Variants in EPB41 observed in about 807,000 individuals in gnomAD.
EPB41 encodes the protein erythrocyte membrane protein band 4.1, also known as protein 4.1.
In EPB41, 65 loss-of-function variants were observed where a neutral mutation model predicts 108.0. The ratio of observed to expected loss-of-function variants is 0.60; its 90% CI spans 0.49 to 0.74. The LOEUF is 0.74. Among genes scored for constraint, EPB41 ranks in the 30% least tolerant of loss-of-function variants. The pLI, the probability that EPB41 is intolerant of heterozygous loss-of-function variation, is 0.00. For synonymous variants in EPB41, 336 were observed against 358.9 expected, an observed-to-expected ratio of 0.94 and a Z score of 0.72; for missense variants, 875 against 1,037.0, an observed-to-expected ratio of 0.84 and a Z score of 2.15.
intron 1 of EPB41, among the ~76,000 whole-genome samples, chr1:28,964,061 A>G (rs1201126548): frequency 2.0e-5 from 3 of 152,150 alleles, no homozygotes; most frequent in Admixed American, 6.5e-5. Context: ...AGAGCTTCCT[A>G]TTAGTCTATT....
intron 1 of EPB41, chr1:28,982,636 A>G: frequency 2.0e-6 from 2 of 977,628 alleles, no homozygotes; most frequent in Non-Finnish European, 3.3e-6. Flanking sequence ...TCGGGCCTAC[A>G]GCAAAAAGCC....
At chr1:29,057,524 A>G (rs1161712963) in intron 12 of EPB41, among the ~76,000 whole-genome samples, 1 of 152,094 alleles carries the variant, frequency 6.6e-6, no homozygotes, top group Non-Finnish European at 1.5e-5. Context: ...GACTCAGTCT[A>G]GGGAAAATAG....
chr1:28,969,166 C>T (rs1327708381), intron 1 of EPB41, among the ~76,000 whole-genome samples: 1 of 151,368 alleles, frequency 6.6e-6, no homozygotes, highest in African/African-American at 2.4e-5. Context: ...CTCACTGCAA[C>T]CTCCACCTCC....
chr1:28,968,397 A>T (rs2095413592), intron 1 of EPB41, among the ~76,000 whole-genome samples: 1 of 152,114 alleles, frequency 6.6e-6, no homozygotes, highest in South Asian at 2.1e-4. Context: ...GTTTTTGTAC[A>T]TATGTCCTTA....
At chr1:28,907,840 A>C (rs558717064) in intron 1 of EPB41, among the ~76,000 whole-genome samples, 198 of 149,396 alleles carry the variant, frequency 1.3e-3, no homozygotes, top group Non-Finnish European at 2.2e-3. Context: ...AAAAATTTTA[A>C]TTTTTTTTTT....
intron 1 of EPB41, among the ~76,000 whole-genome samples, chr1:28,965,130 T>A (rs2149210574): frequency 6.6e-6 from 1 of 152,316 alleles, no homozygotes; most frequent in South Asian, 2.1e-4. Flanking sequence ...AATTCAGTAA[T>A]TATTTAATTA....
At chr1:29,023,675 A>C (rs1298523190) in intron 7 of EPB41, among the ~76,000 whole-genome samples, 2 of 151,904 alleles carry the variant, frequency 1.3e-5, no homozygotes, top group Non-Finnish European at 2.9e-5. Context: ...CAACAAAAGC[A>C]AAACTCCGTC....
intron 1 of EPB41, among the ~76,000 whole-genome samples, chr1:28,957,087 C>T (rs1010922651): frequency 6.6e-6 from 1 of 152,236 alleles, no homozygotes; most frequent in African/African-American, 2.4e-5. Context: ...TAAGTCAGCC[C>T]TGTTTTGAAG....
intron 1 of EPB41, among the ~76,000 whole-genome samples, chr1:28,901,289 ATC>A (rs970347225): frequency 7.0e-6 from 1 of 143,810 alleles, no homozygotes; most frequent in Non-Finnish European, 1.5e-5. Context: ...CAGTGGCATG[ATC>A]TCGGCTCACT....
At position 29,039,244 on chromosome 1, in the gene EPB41, T is replaced by C. The variant is rs768008894; in HGVS notation, c.1464-10T>C. The C allele has an allele frequency of 7.4e-6, 12 of 1,613,526 alleles. No homozygotes were observed. The highest frequency in any genetic ancestry group is 9.3e-6 in the Non-Finnish European group (11 of 1,179,602). On this transcript the variant is annotated splice_polypyrimidine_tract_variant and intron_variant, in intron 10 of 20. Transcript: ENST00000343067. ...ATATAATAATATGACTATTACGATT[T>C]TCCCCCCAGATTGACATCTACAGAC...
At chr1:28,999,195 T>G (rs1326887472) in intron 4 of EPB41, among the ~76,000 whole-genome samples, 1 of 151,954 alleles carries the variant, frequency 6.6e-6, no homozygotes, top group African/African-American at 2.4e-5. Context: ...ACGGTGAAAC[T>G]CTGTCTCTAC....
intron 16 of EPB41, among the ~76,000 whole-genome samples, chr1:29,079,847 A>C (rs1203418757): frequency 6.6e-6 from 1 of 151,862 alleles, no homozygotes; most frequent in African/African-American, 2.4e-5. Context: ...AATACAAAAA[A>C]TTAGCCAGGC....
chr1:29,097,723 C>T (rs954664526), intron 16 of EPB41, 84 bp from the exon 17 acceptor site: 1 of 1,506,772 alleles, frequency 6.6e-7, no homozygotes, highest in Non-Finnish European at 9.2e-7. Flanking sequence ...TTAAAGCTAA[C>T]ACTTTGATCA....
intron 1 of EPB41, among the ~76,000 whole-genome samples, chr1:28,973,556 C>CT (rs949221327): frequency 1.3e-5 from 2 of 151,846 alleles, no homozygotes; most frequent in Non-Finnish European, 2.9e-5. Context: ...TGCCCGGCTA[C>CT]TTTTTTTATT....
intron 1 of EPB41, among the ~76,000 whole-genome samples, chr1:28,901,144 T>C (rs964612542): frequency 7.9e-5 from 12 of 152,010 alleles, no homozygotes; most frequent in Non-Finnish European, 1.3e-4. Flanking sequence ...TTAGCCAGGA[T>C]AGTCTCGATC....
At chr1:29,027,372 C>T (rs1237137665) in intron 7 of EPB41, among the ~76,000 whole-genome samples, 1 of 149,514 alleles carries the variant, frequency 6.7e-6, no homozygotes, top group Non-Finnish European at 1.5e-5. Flanking sequence ...TCATTCGTTG[C>T]CCAGGCTGGA....
At chr1:29,061,548 C>A (rs951650870) in intron 15 of EPB41, among the ~76,000 whole-genome samples, 1 of 139,314 alleles carries the variant, frequency 7.2e-6, no homozygotes, top group African/African-American at 2.7e-5. Flanking sequence ...GGGTTACAGG[C>A]GTGAGCCACT....
At chr1:28,979,263 C>T (rs2095676657) in intron 1 of EPB41, among the ~76,000 whole-genome samples, 1 of 151,502 alleles carries the variant, frequency 6.6e-6, no homozygotes, top group African/African-American at 2.4e-5. Flanking sequence ...AATGGCCAAG[C>T]AATACCAAAA....
intron 1 of EPB41, among the ~76,000 whole-genome samples, chr1:28,979,856 G>A (rs755378001): frequency 2.9e-4 from 44 of 152,090 alleles, no homozygotes; most frequent in Non-Finnish European, 4.4e-4. Context: ...TGGCAGACTT[G>A]GCAGAAGAAA....
Sources: gnomAD v4.1 joint callset for allele counts (sites outside exome capture counted in the v4.1 genomes callset) on GRCh38, gnomAD v4.1.1 for gene constraint, MANE v1.5 for transcripts, NCBI Gene and HGNC (gene_info 2026-07-23, HGNC 2026-07-21) for gene names.